Variants in CTNND2 observed in about 807,000 individuals in gnomAD.
CTNND2 encodes the protein catenin delta-2.
In CTNND2, 22 loss-of-function variants were observed where a neutral mutation model predicts 144.4. That is an observed-to-expected ratio of 0.15 (90% CI 0.11 to 0.22). The LOEUF is 0.22. Ranked by LOEUF, CTNND2 falls within the 10% of genes least tolerant of loss-of-function variation. CTNND2 has a pLI of 1.00. For synonymous variants in CTNND2, 751 were observed against 695.6 expected, an observed-to-expected ratio of 1.08 and a Z score of -1.25; for missense variants, 1,353 against 1,618.8, an observed-to-expected ratio of 0.84 and a Z score of 2.82.
chr5:11,035,413 C>T (rs1209721142), intron 16 of CTNND2, among the ~76,000 whole-genome samples: 2 of 152,210 alleles, frequency 1.3e-5, no homozygotes, highest in African/African-American at 4.8e-5. Context: ...TGTCACATCG[C>T]TCTGACCCTT....
chr5:11,354,953 C>G (rs559791614), intron 8 of CTNND2, among the ~76,000 whole-genome samples: 23 of 152,152 alleles, frequency 1.5e-4, no homozygotes, highest in Non-Finnish European at 3.1e-4. Flanking sequence ...ACTTTGGAAA[C>G]TTTACAAATA....
intron 18 of CTNND2, among the ~76,000 whole-genome samples, chr5:10,997,734 G>T (rs960376133): frequency 6.6e-6 from 1 of 152,200 alleles, no homozygotes; most frequent in Non-Finnish European, 1.5e-5. Flanking sequence ...GGGATTCCAA[G>T]TAGTGGCTCG....
chr5:11,198,137 A>G (rs945963471), intron 11 of CTNND2, among the ~76,000 whole-genome samples: 5 of 152,166 alleles, frequency 3.3e-5, no homozygotes, highest in African/African-American at 1.2e-4. Context: ...AATGGTAGGA[A>G]ATATTTTCAG....
intron 1 of CTNND2, among the ~76,000 whole-genome samples, chr5:11,900,515 T>C (rs1296220728): frequency 2.6e-5 from 4 of 152,224 alleles, no homozygotes; most frequent in Non-Finnish European, 4.4e-5. Flanking sequence ...GACAATGTGA[T>C]AGAAACTATT....
intron 2 of CTNND2, among the ~76,000 whole-genome samples, chr5:11,729,016 T>C (rs1345085942): frequency 6.6e-6 from 1 of 152,146 alleles, no homozygotes; most frequent in African/African-American, 2.4e-5. Flanking sequence ...GTTGTTTGCA[T>C]CAGGACATCC....
intron 1 of CTNND2, among the ~76,000 whole-genome samples, chr5:11,899,210 T>C (rs1046591984): frequency 2.0e-5 from 3 of 152,244 alleles, no homozygotes; most frequent in African/African-American, 7.2e-5. Context: ...ATGAGATTCA[T>C]GCTCGGTGGT....
chr5:11,518,563 A>G (rs1389509870), intron 3 of CTNND2, among the ~76,000 whole-genome samples: 1 of 152,238 alleles, frequency 6.6e-6, no homozygotes, highest in Non-Finnish European at 1.5e-5. Context: ...TCACAGACTC[A>G]TCCACAGCGA....
In CTNND2 at chr5:11,377,017, C is replaced by T. The variant is rs569856525; in HGVS notation, c.1177+7648G>A. Among the ~76,000 whole-genome samples the T allele has an allele frequency of 5.3e-5, 8 of 151,678 alleles. No individual in the cohort carries two copies. In the East Asian group the frequency reaches 7.8e-4, roughly 15 times the overall value. ...GAAATTCTTAACTTGGCTTGCTTGT[C>T]GGTGACACTCAGACCCTGGTCTCTG... On this transcript the variant is annotated intron_variant, in intron 7 of 21. Coordinates refer to ENST00000304623, the MANE Select transcript of CTNND2 (RefSeq NM_001332.4).
intron 9 of CTNND2, among the ~76,000 whole-genome samples, chr5:11,240,544 C>CTG (rs1742240269): frequency 1.2e-5 from 1 of 81,520 alleles, no homozygotes; most frequent in Admixed American, 1.3e-4. Flanking sequence ...CCAACACACA[C>CTG]ACCCAACACA....
chr5:11,416,455 G>A (rs1761944828), intron 3 of CTNND2, among the ~76,000 whole-genome samples: 1 of 152,148 alleles, frequency 6.6e-6, no homozygotes, highest in African/African-American at 2.4e-5. Flanking sequence ...ACTGATCACA[G>A]AGAATGGAAG....
chr5:11,865,212 T>C (rs1350535338), intron 1 of CTNND2, among the ~76,000 whole-genome samples: 1 of 152,170 alleles, frequency 6.6e-6, no homozygotes, highest in South Asian at 2.1e-4. Context: ...TTTTTGAATG[T>C]GTAAAATGGG....
At chr5:11,358,415 T>G (rs1756120636) in intron 8 of CTNND2, among the ~76,000 whole-genome samples, 2 of 152,320 alleles carry the variant, frequency 1.3e-5, no homozygotes, top group South Asian at 4.1e-4. Flanking sequence ...TGATATAAAA[T>G]TTCTAACTGG....
At chr5:11,338,421 T>C (rs1332448872) in intron 9 of CTNND2, among the ~76,000 whole-genome samples, 1 of 152,154 alleles carries the variant, frequency 6.6e-6, no homozygotes, top group African/African-American at 2.4e-5. Flanking sequence ...CTTCTGAACT[T>C]GGGGTACAGT....
intron 3 of CTNND2, among the ~76,000 whole-genome samples, chr5:11,448,004 T>C (rs753158052): frequency 6.6e-6 from 1 of 152,160 alleles, no homozygotes; most frequent in Non-Finnish European, 1.5e-5. Context: ...GAGTTGAAAC[T>C]GGCCCCTAAA....
At chr5:11,421,607 G>T (rs1762371749) in intron 3 of CTNND2, among the ~76,000 whole-genome samples, 1 of 152,248 alleles carries the variant, frequency 6.6e-6, no homozygotes, top group South Asian at 2.1e-4. Context: ...GGGCCAATAT[G>T]GGGAAATGGG....
chr5:11,570,149 G>A lies in CTNND2; in HGVS notation c.175-5093C>T, dbSNP rs182984967. Among the ~76,000 whole-genome samples, 675 of 152,200 alleles carry A rather than the reference G, an allele frequency of 4.4e-3. 15 individuals carry two copies. Among genetic ancestry groups the A allele is most frequent in the Admixed American group, 0.04 (616 of 15,284 alleles). On this transcript the variant is annotated intron_variant, in intron 2 of 21. Coordinates refer to ENST00000304623, the MANE Select transcript of CTNND2 (RefSeq NM_001332.4). ...ATCAAACCCCAAACTCCTCCGATTT[G>A]TATAAAACTTCTCTTCACACAAACA...
Position 11,903,144 on chromosome 5 carries a change from T to C in CTNND2, c.37+673A>G. The C allele has an allele frequency of 2.1e-6, 2 of 972,972 alleles. No individual in the cohort carries two copies. Among genetic ancestry groups the C allele is most frequent in the Non-Finnish European group, 2.4e-6 (2 of 818,566 alleles). 60.3% of individuals were successfully genotyped at this position (972,972 alleles called of 1,614,324 possible). On this transcript the variant is annotated intron_variant, in intron 1 of 21. Transcript: ENST00000304623. This position sits in a 1 kb window ranked among gnomAD's most constrained non-coding sequence, Gnocchi z 5.4. The stretch of plus-strand genomic sequence containing the variant: ...TCACCCCAATTTTGCATCGCTCATC[T>C]CCCATACACACGCACAGCCTTCCAA...
intron 2 of CTNND2, among the ~76,000 whole-genome samples, chr5:11,662,251 G>GTGTATATATA (rs546479720): frequency 1.5e-5 from 2 of 133,764 alleles, no homozygotes; most frequent in African/African-American, 6.0e-5. Flanking sequence ...ATACATATAT[G>GTGTATATATA]TGTGTATATA....
intron 5 of CTNND2, among the ~76,000 whole-genome samples, chr5:11,408,314 A>T (rs748619945): frequency 2.0e-5 from 3 of 152,198 alleles, no homozygotes; most frequent in Non-Finnish European, 2.9e-5. Context: ...AACACTTAAA[A>T]TTCGCAATAT....
Sources: allele counts gnomAD v4.1 joint callset (sites outside exome capture counted in the v4.1 genomes callset), GRCh38; gene constraint gnomAD v4.1.1; non-coding constraint Gnocchi (gnomAD v3.1); transcripts MANE v1.5; gene names NCBI Gene and HGNC (gene_info 2026-07-23, HGNC 2026-07-21).